CDH23: variants seen among roughly 807,000 people sequenced by gnomAD.
CDH23 encodes cadherin related 23.
Under a neutral mutation model 317.1 loss-of-function variants are expected in CDH23, and 189 were observed. That is an observed-to-expected ratio of 0.60 (90% confidence interval 0.53 to 0.67). The LOEUF is 0.67. Among genes scored for constraint, CDH23 ranks in the 30% least tolerant of loss-of-function variants. The probability of loss-of-function intolerance (pLI) is 0.00; values close to 1 mark genes in which losing one functional copy is unlikely to be tolerated. For missense variants in CDH23, 4,401 were observed against 4,592.4 expected, an observed-to-expected ratio of 0.96 and a Z score of 1.20; for synonymous variants, 1,839 against 1,876.8, an observed-to-expected ratio of 0.98 and a Z score of 0.52.
chr10:71,792,983 T>C (rs531655311), intron 47 of CDH23, among the ~76,000 whole-genome samples, 199 bp from the exon 48 acceptor site: 1 of 151,070 alleles, frequency 6.6e-6, no homozygotes, highest in South Asian at 2.1e-4. Flanking sequence ...CATTATAAAA[T>C]ATTGTTTAAT....
At chr10:71,780,356 AAAAT>A (rs763159918) in intron 41 of CDH23, among the ~76,000 whole-genome samples, 8 of 152,220 alleles carry the variant, frequency 5.3e-5, no homozygotes, top group Non-Finnish European at 8.8e-5. Context: ...GCTATGGAGA[AAAAT>A]AAAACCAAGC....
Position 71,677,476 on chromosome 10 carries a change from C to G in CDH23, c.1535C>G (p.Thr512Arg). ...CACAGGTTCTCGCTGGACAAGGACA[C>G]GGGACTCATCATGCTGATTGCCAGG... The part of the protein sequence containing the change: ...DPDRFSLDKD[T>R]GLIMLIARLD... The change falls in exon 16 of 70, where the codon ACG (threonine) becomes AGG (arginine). Residue 512 changes from threonine to arginine, a missense_variant. This residue lies in a region of CDH23 where 3,068 missense variants were observed against 3,203.3 expected (regional missense o/e 0.96). Transcript: ENST00000224721. 1 of 1,609,702 alleles carries G rather than the reference C, an allele frequency of 6.2e-7. No individual in the cohort carries two copies. Among genetic ancestry groups the G allele is most frequent in the South Asian group, 1.1e-5 (1 of 89,806 alleles).
intron 1 of CDH23, among the ~76,000 whole-genome samples, chr10:71,406,357 T>C (rs1001886633): frequency 6.6e-6 from 1 of 152,148 alleles, no homozygotes; most frequent in Non-Finnish European, 1.5e-5. Flanking sequence ...CAGAGTATCA[T>C]GGGCACTTAG....
Position 71,815,131 on chromosome 10 carries a change from G to C in CDH23, c.9918G>C (p.Lys3306Asn), listed in dbSNP as rs764122021. ...ACAGCCTGCCCGAGGAAGACCAGAA[G>C]GGCCTGGGCCGCTCGCTGGAGACGC... Reference protein sequence around the residue: ...DLNSLPEEDQKGLGRSLETLT... With the variant: ...DLNSLPEEDQNGLGRSLETLT... The change falls in exon 70 of 70, where the codon AAG becomes AAC. Residue 3306 changes from lysine to asparagine, a missense_variant. By Grantham distance (94) the Lys-to-Asn change is moderately conservative. This residue lies in a region of CDH23 where 1,144 missense variants were observed against 1,138.2 expected (regional missense o/e 1.01). Coordinates refer to ENST00000224721, the MANE Select transcript of CDH23 (RefSeq NM_022124.6). 6.2e-7 allele frequency: 1 copy of C among 1,611,246 alleles called. No individual in the cohort carries two copies. The highest frequency in any genetic ancestry group is 8.5e-7 in the Non-Finnish European group (1 of 1,179,140).
chr10:71,510,384 A>G (rs924739991), intron 4 of CDH23, among the ~76,000 whole-genome samples, 160 bp downstream of exon 4: 12 of 152,084 alleles, frequency 7.9e-5, no homozygotes, highest in African/African-American at 2.9e-4. Context: ...TCAAGGGCCA[A>G]TGCTGGTGTC....
At chr10:71,716,179 C>T (rs960107598) in intron 28 of CDH23, 1 of 1,550,860 alleles carries the variant, frequency 6.4e-7, no homozygotes, top group African/African-American at 1.4e-5. Context: ...TCATGAACAG[C>T]AGACAGGTGG....
At chr10:71,469,871 C>T (rs1851428004) in intron 3 of CDH23, among the ~76,000 whole-genome samples, 1 of 152,188 alleles carries the variant, frequency 6.6e-6, no homozygotes, top group South Asian at 2.1e-4. Context: ...TCACAAAGTG[C>T]AGGGATTACA....
At position 71,734,666 on chromosome 10, in the gene CDH23, G is replaced by A; in HGVS notation, c.4209+8G>A. On this transcript the variant is annotated splice_region_variant and intron_variant, in intron 34 of 69. Transcript: ENST00000224721. ...TGCCTCTGCCTACAGAAGGTGAGTA[G>A]CCTGTGGCTGGAGCTTCCCCTGTGC... The A allele has an allele frequency of 7.0e-7, 1 of 1,434,766 alleles. No homozygotes were observed. Among genetic ancestry groups the A allele is most frequent in the Non-Finnish European group, 9.4e-7 (1 of 1,061,848 alleles). The allele number at this position is 1,434,766 out of a possible 1,614,324, so 88.9% of individuals were successfully genotyped here.
At chr10:71,430,785 A>G (rs1468041265) in intron 1 of CDH23, among the ~76,000 whole-genome samples, 2 of 152,046 alleles carry the variant, frequency 1.3e-5, no homozygotes, top group Non-Finnish European at 2.9e-5. Context: ...GCGCCACTGC[A>G]CTCCAGCCTG....
chr10:71,421,819 T>G (rs952027764), intron 1 of CDH23, among the ~76,000 whole-genome samples: 1 of 150,658 alleles, frequency 6.6e-6, no homozygotes, highest in African/African-American at 2.5e-5. Flanking sequence ...TGGTGGATTG[T>G]GAGGAAGCGT....
At chr10:71,457,688 A>G (rs965459700) in intron 3 of CDH23, among the ~76,000 whole-genome samples, 3 of 152,322 alleles carry the variant, frequency 2.0e-5, no homozygotes, top group South Asian at 4.1e-4. Flanking sequence ...CATTGCCCCT[A>G]TGCAACCGTG....
At chr10:71,423,748 C>A (rs185766298) in intron 1 of CDH23, among the ~76,000 whole-genome samples, 2 of 152,290 alleles carry the variant, frequency 1.3e-5, no homozygotes, top group East Asian at 3.9e-4. Flanking sequence ...TCATTTTCAC[C>A]ATTTGGAAAA....
At position 71,440,070 on chromosome 10, in the gene CDH23, G is replaced by A. The variant is rs7903245; in HGVS notation, c.67+172G>A. ...CTCTGGGCCTCAGTTGCCTTCTGCAGCTCTCACAGGGCTGAAAATACCAGC... is the reference window on the plus strand; with the variant it reads ...CTCTGGGCCTCAGTTGCCTTCTGCAACTCTCACAGGGCTGAAAATACCAGC... On this transcript the variant is annotated intron_variant, in intron 2 of 69. Transcript: ENST00000224721. Among the ~76,000 whole-genome samples, 1,711 of 152,296 alleles carry A rather than the reference G, an allele frequency of 0.011. 30 individuals are homozygous for A. Among genetic ancestry groups the A allele is most frequent in the African/African-American group, 0.038 (1,593 of 41,550 alleles).
chr10:71,552,388 C>T lies in CDH23; in HGVS notation c.430-14354C>T, dbSNP rs574120792. Among the ~76,000 whole-genome samples the T allele has an allele frequency of 3.3e-5, 5 of 152,356 alleles. 1 individual carries two copies. In the South Asian group the frequency reaches 8.3e-4, roughly 25 times the overall value. ...CTTGACTCTCAGAAAGTCCTTCCTTCACTGGTCGCCCACATGCAGGGACTG... is the reference window on the plus strand; with the variant it reads ...CTTGACTCTCAGAAAGTCCTTCCTTTACTGGTCGCCCACATGCAGGGACTG... On this transcript the variant is annotated intron_variant, in intron 6 of 69. Coordinates refer to ENST00000224721, the MANE Select transcript of CDH23 (RefSeq NM_022124.6).
At chr10:71,730,377 G>C in intron 30 of CDH23, 92 bp from the exon 31 acceptor site, 1 of 1,505,376 alleles carries the variant, frequency 6.6e-7, no homozygotes, top group Non-Finnish European at 8.9e-7. Context: ...CAGGAAAGCA[G>C]TGACCACACA....
intron 27 of CDH23, 98 bp from the exon 28 acceptor site, chr10:71,712,567 G>A (rs1589361619): frequency 2.1e-6 from 3 of 1,421,786 alleles, no homozygotes; most frequent in East Asian, 2.4e-5. Context: ...GCGGAACAGG[G>A]CACCTCTCTG....
chr10:71,778,072 G>T, intron 39 of CDH23, 117 bp from the exon 40 acceptor site: 2 of 1,481,616 alleles, frequency 1.3e-6, no homozygotes, highest in Non-Finnish European at 9.2e-7. Flanking sequence ...GGGCTAGGGG[G>T]TGGCAGTGGT....
chr10:71,420,336 T>G (rs950145313), intron 1 of CDH23, among the ~76,000 whole-genome samples: 3 of 151,474 alleles, frequency 2.0e-5, no homozygotes, highest in Non-Finnish European at 2.9e-5. Flanking sequence ...CTCCCAGAAG[T>G]TGTCCTTTTC....
intron 45 of CDH23, among the ~76,000 whole-genome samples, chr10:71,790,008 CA>C (rs1236821247): frequency 6.6e-6 from 1 of 152,228 alleles, no homozygotes; most frequent in African/African-American, 2.4e-5. Context: ...CGGCCAGCCT[CA>C]AAGGCTGCTG....
Sources: allele counts gnomAD v4.1 joint callset (sites outside exome capture counted in the v4.1 genomes callset), GRCh38; gene constraint gnomAD v4.1.1; regional missense constraint gnomAD v4.1.1; transcripts MANE v1.5; gene names NCBI Gene and HGNC (gene_info 2026-07-23, HGNC 2026-07-21).